PTPRO: variants seen among roughly 807,000 people sequenced by gnomAD.
The protein encoded by PTPRO is receptor-type tyrosine-protein phosphatase O.
A neutral mutation model predicts 145.2 loss-of-function variants in PTPRO; 62 were observed. The observed-to-expected ratio is 0.43, with a 90% CI of 0.35 to 0.53. PTPRO has a LOEUF of 0.53. Ranked by LOEUF, PTPRO falls within the 20% of genes least tolerant of loss-of-function variation. PTPRO has a pLI of 0.01. For synonymous variants in PTPRO, 565 were observed against 514.7 expected (o/e 1.10, Z -1.32); for missense variants, 1,345 against 1,482.7 (o/e 0.91, Z 1.53).
chr12:15,397,123 C>T (rs951298090), intron 1 of PTPRO, among the ~76,000 whole-genome samples: 1 of 151,992 alleles, frequency 6.6e-6, no homozygotes, highest in African/African-American at 2.4e-5. Context: ...ATATTTTAGC[C>T]ACTGGCATAT....
At position 15,589,035 on chromosome 12, in the gene PTPRO, CTAT is replaced by C. The variant is rs527531599; in HGVS notation, c.3411-418_3411-416del. 1.4e-4 allele frequency among the ~76,000 whole-genome samples: 21 copies of C among 152,270 alleles called. No individual in the cohort carries two copies. The South Asian group carries it at 3.9e-3, about 29-fold the overall frequency. On this transcript the variant is annotated intron_variant, in intron 24 of 26. Transcript: ENST00000281171. ...TAGTCTGCGTTTTTCCACAAGGGTA[CTAT>C]TTGTAGTTTTTTAGAAATCATCAGT...
chr12:15,522,189 T>A (rs7958236), intron 10 of PTPRO, among the ~76,000 whole-genome samples: 66,101 of 151,500 alleles, frequency 0.44, 14,962 homozygotes, highest in African/African-American at 0.55. Flanking sequence ...GATTATTGTC[T>A]TTTTTATACT....
intron 18 of PTPRO, among the ~76,000 whole-genome samples, chr12:15,566,279 G>C (rs1446156710): frequency 6.6e-6 from 1 of 152,062 alleles, no homozygotes; most frequent in African/African-American, 2.4e-5. Flanking sequence ...GTTTGTTCTT[G>C]ATACCTGCCT....
intron 6 of PTPRO, among the ~76,000 whole-genome samples, chr12:15,507,096 T>C (rs1227261624): frequency 2.6e-5 from 4 of 152,206 alleles, no homozygotes; most frequent in Non-Finnish European, 2.9e-5. Context: ...TTAATAAAAG[T>C]ACTTATTTCA....
chr12:15,368,194 C>A (rs1420702698), intron 1 of PTPRO, among the ~76,000 whole-genome samples: 5 of 152,142 alleles, frequency 3.3e-5, no homozygotes, highest in African/African-American at 1.2e-4. Flanking sequence ...CCCAACATGC[C>A]AGGCTTGCTC....
intron 1 of PTPRO, among the ~76,000 whole-genome samples, chr12:15,362,526 G>C (rs985646001): frequency 1.3e-5 from 2 of 152,162 alleles, no homozygotes; most frequent in Admixed American, 1.3e-4. Flanking sequence ...GGTCTTTATA[G>C]AGAAAACAGT....
At chr12:15,479,424 A>G (rs772382761) in intron 1 of PTPRO, among the ~76,000 whole-genome samples, 2 of 152,154 alleles carry the variant, frequency 1.3e-5, no homozygotes, top group Non-Finnish European at 2.9e-5. Flanking sequence ...CTGTGTTTCA[A>G]TTGCTCCCAT....
Position 15,416,397 on chromosome 12 carries a change from G to A in PTPRO, c.76-67577G>A, listed in dbSNP as rs1189672268. On this transcript the variant is annotated intron_variant, in intron 1 of 26. Transcript: ENST00000281171. The stretch of plus-strand genomic sequence containing the variant: ...TGCAGTGGCACAATCTCGGCTCACT[G>A]CAAGGTCTGACTCCTGGGTTCACAC... 2.7e-5 allele frequency among the ~76,000 whole-genome samples: 4 copies of A among 149,676 alleles called. No individual in the cohort carries two copies. In the South Asian group the frequency reaches 8.4e-4, roughly 31 times the overall value.
At chr12:15,501,579 A>C in intron 4 of PTPRO, 41 bp from the exon 5 acceptor site, 1 of 1,544,512 alleles carries the variant, frequency 6.5e-7, no homozygotes, top group Non-Finnish European at 8.9e-7. Flanking sequence ...ACTCTAATTG[A>C]ATTAAAAAAT....
intron 1 of PTPRO, among the ~76,000 whole-genome samples, chr12:15,375,521 G>A (rs1464857642): frequency 6.6e-6 from 1 of 152,118 alleles, no homozygotes; most frequent in Non-Finnish European, 1.5e-5. Flanking sequence ...ACTCTGGGAG[G>A]CCAAGGTGGG....
At chr12:15,374,243 T>A (rs1163236340) in intron 1 of PTPRO, among the ~76,000 whole-genome samples, 1 of 152,078 alleles carries the variant, frequency 6.6e-6, no homozygotes, top group African/African-American at 2.4e-5. Context: ...AAGGTAAAAA[T>A]AACAGTTAAG....
chr12:15,562,226 G>A (rs1273657286), intron 17 of PTPRO, among the ~76,000 whole-genome samples: 3 of 152,000 alleles, frequency 2.0e-5, no homozygotes, highest in Admixed American at 6.6e-5. Context: ...CATGCTCCCC[G>A]CTCGTGGAAA....
intron 1 of PTPRO, among the ~76,000 whole-genome samples, chr12:15,445,443 G>A (rs1307606143): frequency 1.3e-5 from 2 of 152,142 alleles, no homozygotes; most frequent in Non-Finnish European, 2.9e-5. Context: ...CTTAGAGGCT[G>A]AAACAATGTA....
chr12:15,573,216 G>A (rs534550130), intron 19 of PTPRO, among the ~76,000 whole-genome samples: 1 of 152,284 alleles, frequency 6.6e-6, no homozygotes, highest in South Asian at 2.1e-4. Context: ...TGAGTTTGCA[G>A]TTTTGAGTTT....
chr12:15,393,507 G>A (rs1312180260), intron 1 of PTPRO, among the ~76,000 whole-genome samples: 4 of 152,126 alleles, frequency 2.6e-5, no homozygotes, highest in Admixed American at 1.3e-4. Flanking sequence ...GTCAATTTGT[G>A]TTCCAAGATT....
chr12:15,505,525 T>C (rs1290043622), intron 6 of PTPRO, among the ~76,000 whole-genome samples: 1 of 152,208 alleles, frequency 6.6e-6, no homozygotes, highest in Non-Finnish European at 1.5e-5. Flanking sequence ...CATCTTAATA[T>C]TTATCTAGAA....
At chr12:15,449,126 A>G (rs1940983798) in intron 1 of PTPRO, among the ~76,000 whole-genome samples, 1 of 151,480 alleles carries the variant, frequency 6.6e-6, no homozygotes, top group African/African-American at 2.4e-5. Flanking sequence ...TTACAGACAA[A>G]AAAAAAAAAA....
At chr12:15,435,498 TC>T (rs1393011264) in intron 1 of PTPRO, among the ~76,000 whole-genome samples, 1 of 152,164 alleles carries the variant, frequency 6.6e-6, no homozygotes, top group East Asian at 1.9e-4. Context: ...AATCTGTTGT[TC>T]TTTTGGCATT....
intron 1 of PTPRO, among the ~76,000 whole-genome samples, chr12:15,452,577 TATAG>T (rs758043936): frequency 2.0e-5 from 3 of 152,078 alleles, no homozygotes; most frequent in Non-Finnish European, 4.4e-5. Context: ...CCCTGATGAA[TATAG>T]ATGCAAAAAG....
Sources: allele counts gnomAD v4.1 joint callset (sites outside exome capture counted in the v4.1 genomes callset), GRCh38; gene constraint gnomAD v4.1.1; transcripts MANE v1.5; gene names NCBI Gene and HGNC (gene_info 2026-07-23, HGNC 2026-07-21).